The following NCAM2 variants were observed in gnomAD, a reference collection of about 807,000 sequenced individuals.
The protein encoded by NCAM2 is neural cell adhesion molecule 2, also known as N-CAM-2.
A neutral mutation model predicts 98.1 loss-of-function variants in NCAM2; 30 were observed. That is an observed-to-expected ratio of 0.31 (90% CI 0.23 to 0.41). The LOEUF (loss-of-function observed/expected upper bound fraction) is 0.41, where lower values mean the gene tolerates loss of function less well. NCAM2 is among the 10% of genes least tolerant of loss of function. The probability of loss-of-function intolerance (pLI) is 1.00; values close to 1 mark genes in which losing one functional copy is unlikely to be tolerated. For synonymous variants in NCAM2, 368 were observed against 342.4 expected (o/e 1.07, Z -0.83); for missense variants, 867 against 1,005.8 (o/e 0.86, Z 1.87).
At chr21:21,159,652 C>G (rs1047544808) in intron 1 of NCAM2, among the ~76,000 whole-genome samples, 2 of 152,072 alleles carry the variant, frequency 1.3e-5, no homozygotes, top group Non-Finnish European at 2.9e-5. Context: ...GCTATGCCAT[C>G]TAGGTTTGTG....
rs557653634 is a variant in NCAM2 at position 21,103,489 on chromosome 21, T to C, written c.55+104871T>C. Among the ~76,000 whole-genome samples, 609 of 152,100 alleles carry C rather than the reference T, an allele frequency of 4.0e-3. 5 individuals are homozygous for C. Among genetic ancestry groups the C allele is most frequent in the African/African-American group, 0.014 (579 of 41,528 alleles). On this transcript the variant is annotated intron_variant, in intron 1 of 17. Transcript: ENST00000400546. ...ATGTATATATGTACTGGAAGAAATA[T>C]GTATTCTAAAATATAAAGTGTAAAA... is the stretch of plus-strand genomic sequence containing the variant.
intron 16 of NCAM2, among the ~76,000 whole-genome samples, chr21:21,528,602 A>G (rs991311320): frequency 2.0e-5 from 3 of 152,222 alleles, no homozygotes; most frequent in African/African-American, 7.2e-5. Context: ...GATGTTAAAA[A>G]ATTACAATGT....
chr21:21,277,299 C>A (rs1275189438), intron 1 of NCAM2, among the ~76,000 whole-genome samples: 1 of 151,956 alleles, frequency 6.6e-6, no homozygotes, highest in Non-Finnish European at 1.5e-5. Flanking sequence ...CCCTCACTTC[C>A]AGAAATTTAT....
rs1239199344 is a variant in NCAM2, at chr21:21,542,777, C to T, written c.*4820C>T. 1.3e-5 allele frequency: 2 copies of T among 151,646 alleles called. No individual in the cohort carries two copies. The highest frequency in any genetic ancestry group is 2.9e-5 in the Non-Finnish European group (2 of 67,830). 9.4% of individuals were successfully genotyped at this position (151,646 alleles called of 1,614,324 possible). On this transcript the variant is annotated 3_prime_UTR_variant, in exon 18 of 18. Coordinates refer to ENST00000400546, the MANE Select transcript of NCAM2 (RefSeq NM_004540.5). ...ACGTTGCTTAGATAAAAATTATGGC[C>T]GATTACACTGATGCGAAGGAGAAAA...
chr21:21,254,027 A>G (rs2071569678), intron 1 of NCAM2, among the ~76,000 whole-genome samples: 2 of 152,238 alleles, frequency 1.3e-5, no homozygotes, highest in African/African-American at 4.8e-5. Flanking sequence ...AGGAGAATAT[A>G]ACAATTTGTC....
intron 9 of NCAM2, among the ~76,000 whole-genome samples, chr21:21,374,240 A>G (rs1206431138): frequency 6.6e-6 from 1 of 151,868 alleles, no homozygotes; most frequent in Non-Finnish European, 1.5e-5. Flanking sequence ...GCTTTTCCTG[A>G]AAATGGTCTT....
At chr21:21,095,484 CT>C (rs201086534) in intron 1 of NCAM2, among the ~76,000 whole-genome samples, 1 of 138,746 alleles carries the variant, frequency 7.2e-6, no homozygotes, top group African/African-American at 3.0e-5. Flanking sequence ...ATAATTTTAC[CT>C]TTTTAAAAAA....
chr21:21,290,274 A>G (rs911407445), intron 4 of NCAM2: 1 of 151,984 alleles, frequency 6.6e-6, no homozygotes, highest in Non-Finnish European at 1.5e-5. Context: ...CAGTAATACA[A>G]TGATCTAAGT....
At chr21:21,188,122 A>G (rs1285866507) in intron 1 of NCAM2, among the ~76,000 whole-genome samples, 1 of 152,170 alleles carries the variant, frequency 6.6e-6, no homozygotes, top group Non-Finnish European at 1.5e-5. Flanking sequence ...ATTGTTCTGT[A>G]ATATTCATAT....
At chr21:21,246,068 T>C (rs1331008338) in intron 1 of NCAM2, among the ~76,000 whole-genome samples, 1 of 152,238 alleles carries the variant, frequency 6.6e-6, no homozygotes, top group African/African-American at 2.4e-5. Context: ...AGCGTACTAC[T>C]TTGAAGACTA....
At chr21:21,226,945 GAA>G (rs948308194) in intron 1 of NCAM2, 2 of 151,894 alleles carry the variant, frequency 1.3e-5, no homozygotes, top group Non-Finnish European at 2.9e-5. Context: ...TGGAAGAAGA[GAA>G]AGAATTTAAA....
chr21:21,500,541 T>C (rs1205817360), intron 15 of NCAM2, among the ~76,000 whole-genome samples: 1 of 55,554 alleles, frequency 1.8e-5, no homozygotes, highest in African/African-American at 4.2e-5. Context: ...TTCATTTTCC[T>C]TTTTTTCTAC....
At chr21:21,470,784 T>C (rs916798015) in intron 14 of NCAM2, among the ~76,000 whole-genome samples, 1 of 151,970 alleles carries the variant, frequency 6.6e-6, no homozygotes, top group Non-Finnish European at 1.5e-5. Flanking sequence ...ATAACTATAA[T>C]TGTCTGATAA....
intron 1 of NCAM2, among the ~76,000 whole-genome samples, chr21:21,008,598 C>T (rs1231595171): frequency 2.6e-5 from 4 of 152,196 alleles, no homozygotes; most frequent in Non-Finnish European, 5.9e-5. Flanking sequence ...ACTTTAGATA[C>T]AGCATATATT....
At chr21:21,120,144 A>G (rs2066641960) in intron 1 of NCAM2, among the ~76,000 whole-genome samples, 1 of 152,242 alleles carries the variant, frequency 6.6e-6, no homozygotes, top group Admixed American at 6.5e-5. Flanking sequence ...AGAGAATGAA[A>G]GACTTTGCAA....
At chr21:21,244,339 T>C (rs1471630926) in intron 1 of NCAM2, among the ~76,000 whole-genome samples, 1 of 152,220 alleles carries the variant, frequency 6.6e-6, no homozygotes, top group African/African-American at 2.4e-5. Context: ...ATAAATTTGA[T>C]GAATTGTAGT....
chr21:21,345,310 T>C (rs1044830557), intron 8 of NCAM2, among the ~76,000 whole-genome samples: 5 of 151,112 alleles, frequency 3.3e-5, no homozygotes, highest in Non-Finnish European at 7.4e-5. Flanking sequence ...CCTAGAGAAA[T>C]AGAAATATGT....
chr21:21,024,948 T>C (rs895090879), intron 1 of NCAM2, among the ~76,000 whole-genome samples: 14 of 152,216 alleles, frequency 9.2e-5, no homozygotes, highest in African/African-American at 2.9e-4. Flanking sequence ...TTGTTTTCAT[T>C]AAAAACTACT....
At chr21:21,259,182 T>A (rs1444318470) in intron 1 of NCAM2, among the ~76,000 whole-genome samples, 3 of 152,000 alleles carry the variant, frequency 2.0e-5, no homozygotes, top group African/African-American at 7.3e-5. Flanking sequence ...CAACTTCCCC[T>A]CCCAACACAG....
Sources: gnomAD v4.1 joint callset for allele counts (sites outside exome capture counted in the v4.1 genomes callset) on GRCh38, gnomAD v4.1.1 for gene constraint, MANE v1.5 for transcripts, NCBI Gene and HGNC (gene_info 2026-07-23, HGNC 2026-07-21) for gene names.